DPRX: variants seen among roughly 807,000 people sequenced by gnomAD.
DPRX encodes divergent paired-related homeobox.
Under a neutral mutation model 8.4 loss-of-function variants are expected in DPRX, and 11 were observed. That is an observed-to-expected ratio of 1.31 (90% CI 0.82 to 2.17). The LOEUF (loss-of-function observed/expected upper bound fraction) is 2.17, where lower values mean the gene tolerates loss of function less well. Among genes scored for constraint, DPRX ranks in the 30% most tolerant of loss-of-function variants. DPRX has a pLI of 0.00. For missense variants in DPRX, 211 were observed against 236.7 expected, an observed-to-expected ratio of 0.89 and a Z score of 0.71; for synonymous variants, 72 against 87.0, an observed-to-expected ratio of 0.83 and a Z score of 0.96.
chr19:53,606,663 GGGCTTCTTCTCCTGCGGGACAGGT>G, the DPRX span: 1 of 151,938 alleles, frequency 6.6e-6, no homozygotes, highest in African/African-American at 2.4e-5. The surrounding 1 kb of genome is among the most constrained non-coding windows in gnomAD (Gnocchi z 4.8). Context: ...TGAGGGTGGA[GGGCTTCTTCTCCTGCGGGACAGGT>G]ATATGCACCG....
intron 2 of DPRX, among the ~76,000 whole-genome samples, chr19:53,635,703 T>C (rs1301063876): frequency 6.6e-6 from 1 of 152,182 alleles, no homozygotes; most frequent in Non-Finnish European, 1.5e-5. Flanking sequence ...TTATTTTCTC[T>C]CTTTTTTCTT....
At chr19:53,635,526 G>T (rs568704475) in intron 2 of DPRX, among the ~76,000 whole-genome samples, 1 of 151,942 alleles carries the variant, frequency 6.6e-6, no homozygotes, top group African/African-American at 2.4e-5. Flanking sequence ...TACTACTGGT[G>T]TGTACCACCA....
chr19:53,625,324 T>C, the DPRX span, among the ~76,000 whole-genome samples: 1 of 152,048 alleles, frequency 6.6e-6, no homozygotes, highest in East Asian at 1.9e-4. Context: ...CTGGTACTCT[T>C]ATCACAGGCA....
chr19:53,616,677 C>G, the DPRX span: 1 of 759,912 alleles, frequency 1.3e-6, no homozygotes, highest in Non-Finnish European at 2.0e-6. Context: ...TCCCTTGAAC[C>G]TCATAGGCAG....
chr19:53,629,537 C>T (rs896191060), upstream of DPRX, among the ~76,000 whole-genome samples: 70 of 133,310 alleles, frequency 5.3e-4, no homozygotes, highest in Admixed American at 1.2e-3. Context: ...CCACTGTGTC[C>T]GGCCTATGAT....
At chr19:53,624,115 T>A in the DPRX span, among the ~76,000 whole-genome samples, 13 of 119,746 alleles carry the variant, frequency 1.1e-4, no homozygotes, top group South Asian at 3.3e-3. Context: ...TGAGACAGGG[T>A]CTTGCTCTGT....
chr19:53,628,239 A>T (rs1362660010), upstream of DPRX, among the ~76,000 whole-genome samples: 1 of 152,068 alleles, frequency 6.6e-6, no homozygotes, highest in African/African-American at 2.4e-5. Flanking sequence ...GGAGGTTGAG[A>T]CCAGCCTGGG....
At chr19:53,619,847 T>G in the DPRX span, among the ~76,000 whole-genome samples, 1 of 110,116 alleles carries the variant, frequency 9.1e-6, no homozygotes, top group African/African-American at 3.2e-5. Flanking sequence ...AGAGTGAGAC[T>G]CTATCTCAAA....
At chr19:53,619,958 C>T in the DPRX span, among the ~76,000 whole-genome samples, 1 of 151,900 alleles carries the variant, frequency 6.6e-6, no homozygotes, top group Non-Finnish European at 1.5e-5. Flanking sequence ...TTCCTCTTAT[C>T]ATCCCCTGCC....
the DPRX span, among the ~76,000 whole-genome samples, chr19:53,617,987 A>G: frequency 6.6e-6 from 1 of 151,760 alleles, no homozygotes; most frequent in South Asian, 2.1e-4. Context: ...AAAATACAAA[A>G]ATTAGCCGGG....
At chr19:53,621,982 A>T in the DPRX span, among the ~76,000 whole-genome samples, 1 of 152,026 alleles carries the variant, frequency 6.6e-6, no homozygotes, top group Non-Finnish European at 1.5e-5. Context: ...ACATTTCCTC[A>T]TGGTGGGCCA....
the DPRX span, among the ~76,000 whole-genome samples, chr19:53,616,424 A>C: frequency 6.6e-6 from 1 of 151,906 alleles, no homozygotes; most frequent in Non-Finnish European, 1.5e-5. Flanking sequence ...CCTTTTTTCC[A>C]TATGGATGTT....
the DPRX span, among the ~76,000 whole-genome samples, chr19:53,601,683 T>A: frequency 2.6e-5 from 4 of 151,972 alleles, no homozygotes; most frequent in Admixed American, 2.6e-4. Context: ...AATTTCACCA[T>A]GTTGGTCAGG....
the DPRX span, among the ~76,000 whole-genome samples, chr19:53,622,787 T>C: frequency 6.6e-6 from 1 of 152,130 alleles, no homozygotes; most frequent in African/African-American, 2.4e-5. Context: ...CAGATAAGGT[T>C]TGGGGACTAG....
the DPRX span, among the ~76,000 whole-genome samples, chr19:53,615,677 T>C: frequency 1.5e-3 from 232 of 152,276 alleles, no homozygotes; most frequent in Non-Finnish European, 2.4e-3. Flanking sequence ...CTGATTAATA[T>C]AAATCCTTAA....
At chr19:53,610,698 C>T in the DPRX span, among the ~76,000 whole-genome samples, 1 of 152,166 alleles carries the variant, frequency 6.6e-6, no homozygotes, top group African/African-American at 2.4e-5. Context: ...TGGTCCCACA[C>T]AAATTCAGAA....
At chr19:53,613,366 A>G in the DPRX span, among the ~76,000 whole-genome samples, 1 of 152,006 alleles carries the variant, frequency 6.6e-6, no homozygotes, top group Non-Finnish European at 1.5e-5. Flanking sequence ...GTTGTTGTTG[A>G]GATGGAATCT....
upstream of DPRX, among the ~76,000 whole-genome samples, chr19:53,631,586 T>C (rs548071850): frequency 1.3e-3 from 194 of 151,816 alleles, no homozygotes; most frequent in African/African-American, 4.4e-3. Flanking sequence ...TGGCGGAAAC[T>C]CCGTCTCTAC....
the DPRX span, among the ~76,000 whole-genome samples, chr19:53,623,360 T>G: frequency 6.7e-6 from 1 of 148,598 alleles, no homozygotes; most frequent in Non-Finnish European, 1.5e-5. Flanking sequence ...CATTCCTGGC[T>G]GGGCATGGTG....
Sources: allele counts gnomAD v4.1 joint callset (sites outside exome capture counted in the v4.1 genomes callset), GRCh38; gene constraint gnomAD v4.1.1; non-coding constraint Gnocchi (gnomAD v3.1); transcripts MANE v1.5; gene names NCBI Gene and HGNC (gene_info 2026-07-23, HGNC 2026-07-21).